Variants in SYNE2 observed in about 807,000 individuals in gnomAD.
SYNE2 encodes spectrin repeat containing nuclear envelope protein 2, also known as nesprin-2.
A neutral mutation model predicts 856.3 loss-of-function variants in SYNE2; 431 were observed. The observed-to-expected ratio is 0.50, with a 90% CI of 0.47 to 0.55. The LOEUF (loss-of-function observed/expected upper bound fraction) is 0.55. Among genes scored for constraint, SYNE2 ranks in the 20% least tolerant of loss-of-function variants. The pLI is 0.00. For missense variants in SYNE2, 8,129 were observed against 8,023.2 expected (o/e 1.01, Z -0.50); for synonymous variants, 2,923 against 2,872.3 (o/e 1.02, Z -0.56).
chr14:64,153,510 G>A (rs901815004), intron 85 of SYNE2, among the ~76,000 whole-genome samples: 1 of 152,154 alleles, frequency 6.6e-6, no homozygotes, highest in Non-Finnish European at 1.5e-5. Flanking sequence ...TACCAAGAGG[G>A]AATAGGGAAT....
chr14:64,116,355 T>G (rs2097853806), intron 66 of SYNE2, among the ~76,000 whole-genome samples: 2 of 152,348 alleles, frequency 1.3e-5, no homozygotes, highest in East Asian at 3.9e-4. Context: ...TTCTATCTAA[T>G]TGGCTCAATG....
intron 99 of SYNE2, among the ~76,000 whole-genome samples, chr14:64,197,724 A>G (rs1256758052): frequency 3.9e-5 from 6 of 152,218 alleles, no homozygotes; most frequent in Admixed American, 3.9e-4. Context: ...TTCCATATGT[A>G]TAAATTTGAC....
intron 2 of SYNE2, among the ~76,000 whole-genome samples, chr14:63,917,450 A>G (rs1313234227): frequency 6.6e-6 from 1 of 152,162 alleles, no homozygotes; most frequent in East Asian, 1.9e-4. Flanking sequence ...TTGCTTTGAT[A>G]TTAAGCTTTA....
At chr14:64,142,674 C>T (rs572131826) in intron 82 of SYNE2, among the ~76,000 whole-genome samples, 2 of 152,256 alleles carry the variant, frequency 1.3e-5, no homozygotes, top group Admixed American at 6.5e-5. Flanking sequence ...CTGAGCTTCT[C>T]GAGACCAGGG....
At chr14:63,980,829 T>C in intron 15 of SYNE2, 97 bp downstream of exon 15, 2 of 1,116,990 alleles carry the variant, frequency 1.8e-6, no homozygotes, top group Non-Finnish European at 2.6e-6. Context: ...AAATTAGTTT[T>C]ATGTGCATGT....
chr14:63,837,092 G>A (rs954367449), intron 1 of SYNE2, among the ~76,000 whole-genome samples: 1 of 152,154 alleles, frequency 6.6e-6, no homozygotes, highest in African/African-American at 2.4e-5. Flanking sequence ...AAGGATGCAG[G>A]AAATTATATA....
intron 92 of SYNE2, among the ~76,000 whole-genome samples, chr14:64,168,323 G>A (rs918935465): frequency 6.6e-6 from 1 of 152,246 alleles, no homozygotes; most frequent in Non-Finnish European, 1.5e-5. Flanking sequence ...GGCTGGTCTC[G>A]AACTTCTGAC....
chr14:64,176,779 T>TTTTATTTATTTA (rs370375972), intron 95 of SYNE2, among the ~76,000 whole-genome samples: 17 of 150,372 alleles, frequency 1.1e-4, no homozygotes, highest in African/African-American at 2.9e-4. Flanking sequence ...ACTTTTTTAT[T>TTTTATTTATTTA]TTTATTTATT....
At chr14:64,208,630 G>T in intron 100 of SYNE2, 128 bp from the exon 101 acceptor site, 1 of 953,210 alleles carries the variant, frequency 1.0e-6, no homozygotes. Context: ...CCAAGTTCAT[G>T]GTGGAAATCC....
At chr14:64,180,555 C>A (rs1030692701) in intron 96 of SYNE2, among the ~76,000 whole-genome samples, 7 of 149,842 alleles carry the variant, frequency 4.7e-5, no homozygotes, top group African/African-American at 1.7e-4. Flanking sequence ...CCCAGGCTGG[C>A]GTGCAGTGGC....
rs560414997 is a variant in SYNE2 at position 64,041,866 on chromosome 14, A to G, written c.7222-6134A>G. On this transcript the variant is annotated intron_variant, in intron 45 of 115. Coordinates refer to ENST00000555002, the MANE Select transcript of SYNE2 (RefSeq NM_182914.3). ...CCCTTTCTTAAAAAAAAAAAAAGAAAAAAGAAAAGAAAATAGTGAAAATAT... is the reference window on the plus strand; with the variant it reads ...CCCTTTCTTAAAAAAAAAAAAAGAAGAAAGAAAAGAAAATAGTGAAAATAT... Among the ~76,000 whole-genome samples the G allele has an allele frequency of 1.9e-3, 285 of 152,090 alleles. 2 individuals carry two copies. The South Asian group carries it at 0.02, about 11-fold the overall frequency.
intron 85 of SYNE2, among the ~76,000 whole-genome samples, chr14:64,157,332 G>A (rs565755911): frequency 3.3e-5 from 5 of 152,150 alleles, no homozygotes; most frequent in Admixed American, 6.5e-5. Context: ...TATATAAATA[G>A]AATCATATGC....
chr14:63,797,078 C>CA (rs372872575), intron 1 of SYNE2, among the ~76,000 whole-genome samples: 2,711 of 70,066 alleles, frequency 0.039, 94 homozygotes, highest in African/African-American at 0.11. Context: ...GACTTCATCT[C>CA]AAAAAAAAAA....
At chr14:64,209,130 C>G (rs2098626217) in intron 101 of SYNE2, 185 bp downstream of exon 101, 2 of 917,812 alleles carry the variant, frequency 2.2e-6, no homozygotes, top group South Asian at 3.1e-5. Context: ...ATGTCTCTCC[C>G]CAGCTGTCCT....
At chr14:64,055,087 A>G (rs961264819) in intron 48 of SYNE2, among the ~76,000 whole-genome samples, 16 of 152,214 alleles carry the variant, frequency 1.1e-4, no homozygotes, top group East Asian at 5.8e-4. Context: ...TGTTATTTCA[A>G]TGAGATGACT....
In SYNE2 at chr14:64,063,319, A is replaced by T. The variant is rs372457198; in HGVS notation, c.10212+424A>T. On this transcript the variant is annotated intron_variant, in intron 50 of 115. Coordinates refer to ENST00000555002, the MANE Select transcript of SYNE2 (RefSeq NM_182914.3). Reference sequence around the variant, plus strand: ...AGCCTCGGCCTTTCAAAGTGCTGGGATTATAGGCGCGAGCCACTGCGCCTG... The same window carrying T: ...AGCCTCGGCCTTTCAAAGTGCTGGGTTTATAGGCGCGAGCCACTGCGCCTG... Among the ~76,000 whole-genome samples, 82 of 152,314 alleles carry T rather than the reference A, an allele frequency of 5.4e-4. 1 individual carries two copies. The highest frequency in any genetic ancestry group is 1.5e-3 in the African/African-American group (64 of 41,570).
intron 96 of SYNE2, among the ~76,000 whole-genome samples, chr14:64,183,126 G>A (rs1473949539): frequency 6.6e-4 from 93 of 140,330 alleles, no homozygotes; most frequent in African/African-American, 2.6e-3. Flanking sequence ...GGACGGGGCG[G>A]CTGCCGGGCG....
Position 63,943,681 on chromosome 14 carries a change from T to A in SYNE2, c.408+1538T>A, listed in dbSNP as rs527337718. Among the ~76,000 whole-genome samples, 16 of 151,334 alleles carry A rather than the reference T, an allele frequency of 1.1e-4. No homozygotes were observed. In the South Asian group the frequency reaches 1.3e-3, roughly 12 times the overall value. On this transcript the variant is annotated intron_variant, in intron 6 of 115. Coordinates refer to ENST00000555002, the MANE Select transcript of SYNE2 (RefSeq NM_182914.3). ...TTTTTTATTACTTATTATTATTATT[T>A]TTTTTTTGAGACAGAGTCTTGCTCT... is the stretch of plus-strand genomic sequence containing the variant.
chr14:63,961,081 C>A (rs887625702), intron 8 of SYNE2, among the ~76,000 whole-genome samples: 4 of 152,280 alleles, frequency 2.6e-5, no homozygotes, highest in African/African-American at 9.6e-5. Context: ...ACAATATATG[C>A]TTTTGGAGAT....
Sources: gnomAD v4.1 joint callset for allele counts (sites outside exome capture counted in the v4.1 genomes callset) on GRCh38, gnomAD v4.1.1 for gene constraint, MANE v1.5 for transcripts, NCBI Gene and HGNC (gene_info 2026-07-23, HGNC 2026-07-21) for gene names.